The following GAS7 variants were observed in gnomAD, a reference collection of about 807,000 sequenced individuals.
GAS7 encodes growth arrest specific 7.
In GAS7, 28 loss-of-function variants were observed where a neutral mutation model predicts 71.1. That is an observed-to-expected ratio of 0.39 (90% CI 0.29 to 0.54). The LOEUF (loss-of-function observed/expected upper bound fraction) is 0.54. GAS7 is among the 20% of genes least tolerant of loss of function. The pLI, the probability that GAS7 is intolerant of heterozygous loss-of-function variation, is 0.62. For synonymous variants in GAS7, 258 were observed against 245.8 expected, an observed-to-expected ratio of 1.05 and a Z score of -0.46; for missense variants, 436 against 627.8, an observed-to-expected ratio of 0.69 and a Z score of 3.27.
At chr17:10,194,912 G>C (rs2074530363) in intron 1 of GAS7, among the ~76,000 whole-genome samples, 1 of 147,466 alleles carries the variant, frequency 6.8e-6, no homozygotes, top group South Asian at 2.2e-4. Flanking sequence ...CCTCGTCATA[G>C]CAGAAGAAAC....
At chr17:10,109,966 A>G (rs1177719077) in intron 1 of GAS7, among the ~76,000 whole-genome samples, 1 of 151,538 alleles carries the variant, frequency 6.6e-6, no homozygotes, top group African/African-American at 2.4e-5. Flanking sequence ...AGGCAGGAGA[A>G]TCACTTGAAC....
chr17:9,944,250 T>A (rs1356389656), intron 6 of GAS7, among the ~76,000 whole-genome samples: 1 of 152,228 alleles, frequency 6.6e-6, no homozygotes, highest in Non-Finnish European at 1.5e-5. Context: ...CAGGCATGTC[T>A]AAAAGTGTCC....
intron 1 of GAS7, among the ~76,000 whole-genome samples, chr17:10,120,619 G>C (rs1373853652): frequency 1.3e-5 from 2 of 152,200 alleles, no homozygotes; most frequent in Admixed American, 1.3e-4. Flanking sequence ...TGCTGAGGCA[G>C]TAGAATCGCT....
intron 5 of GAS7, among the ~76,000 whole-genome samples, chr17:9,947,276 T>TACAGTTGCATGGGGGCAGTGACATCCAC (rs2068822623): frequency 6.6e-6 from 1 of 152,156 alleles, no homozygotes; most frequent in Admixed American, 6.5e-5. Flanking sequence ...ATCATACAGA[T>TACAGTTGCATGGGGGCAGTGACATCCAC]ACAGTTGCAT....
intron 1 of GAS7, among the ~76,000 whole-genome samples, chr17:10,099,903 GGGACAGT>G (rs1260840430): frequency 6.6e-6 from 1 of 152,180 alleles, no homozygotes; most frequent in African/African-American, 2.4e-5. Flanking sequence ...GCATATAACA[GGGACAGT>G]GGACAGTGGA....
chr17:10,008,218 T>C (rs934079944), intron 2 of GAS7, among the ~76,000 whole-genome samples: 8 of 152,138 alleles, frequency 5.3e-5, no homozygotes, highest in African/African-American at 1.9e-4. Context: ...TGTGTGGACG[T>C]GTGTTTCTAA....
At position 10,103,987 on chromosome 17, in the gene GAS7, T is replaced by G. The variant is rs904331795; in HGVS notation, c.184-84090A>C. Among the ~76,000 whole-genome samples, 1 of 152,186 alleles carries G rather than the reference T, an allele frequency of 6.6e-6. No individual in the cohort carries two copies. Among genetic ancestry groups the G allele is most frequent in the Admixed American group, 6.5e-5 (1 of 15,276 alleles). On this transcript the variant is annotated intron_variant, in intron 1 of 13. Transcript: ENST00000432992. This position sits in a 1 kb window ranked among gnomAD's most constrained non-coding sequence, Gnocchi z 5.5. ...CTCCTCCTACCAAAGGCAACTTACC[T>G]GCTTTCTACCGATCAGCACATAATA...
rs1360697061 is a variant in GAS7 at position 10,005,159 on chromosome 17, G to GTA, written c.304+14617_304+14618insTA. The stretch of plus-strand genomic sequence containing the variant: ...TGTGCGCGCACGCATGCATGCATGT[G>GTA]TGTGCGCACGCATGCATGTATGTGT... On this transcript the variant is annotated intron_variant, in intron 2 of 13. Transcript: ENST00000432992. 1.4e-3 allele frequency among the ~76,000 whole-genome samples: 107 copies of GTA among 74,682 alleles called. 1 individual carries two copies. Among genetic ancestry groups the GTA allele is most frequent in the African/African-American group, 2.9e-3 (102 of 35,346 alleles). The allele number at this position is 74,682 out of a possible 152,430, so 49.0% of individuals were successfully genotyped here. A position where few individuals can be genotyped will look rare whatever the true frequency, so the allele number is the denominator to read the frequency against.
rs1277610592 is a variant in GAS7, at chr17:9,974,826, A to C, written c.386-5064T>G. 6.6e-6 allele frequency among the ~76,000 whole-genome samples: 1 copy of C among 152,156 alleles called. No individual in the cohort carries two copies. The highest frequency in any genetic ancestry group is 1.9e-4 in the East Asian group (1 of 5,154). On this transcript the variant is annotated intron_variant, in intron 3 of 13. Transcript: ENST00000432992. The surrounding 1 kb of genome is among the most constrained non-coding windows in gnomAD (Gnocchi z 4.0). ...GGCCAAGCAACAAAGAAGCGCCAGCAGCTCCGCCACCCAGGGCTCACCCCC... is the reference window on the plus strand; with the variant it reads ...GGCCAAGCAACAAAGAAGCGCCAGCCGCTCCGCCACCCAGGGCTCACCCCC...
intron 2 of GAS7, among the ~76,000 whole-genome samples, chr17:10,003,232 G>T (rs1017162921): frequency 1.3e-5 from 2 of 152,176 alleles, no homozygotes; most frequent in African/African-American, 2.4e-5. Flanking sequence ...GAGCCTGGGG[G>T]TTCCGCAGCA....
chr17:10,082,331 A>G (rs183743881), intron 1 of GAS7, among the ~76,000 whole-genome samples: 1 of 152,340 alleles, frequency 6.6e-6, no homozygotes, highest in African/African-American at 2.4e-5. Context: ...ATGTCAAATA[A>G]TGTGTTATTT....
intron 1 of GAS7, among the ~76,000 whole-genome samples, chr17:10,072,729 GAC>G (rs1449716828): frequency 6.6e-6 from 1 of 152,146 alleles, no homozygotes; most frequent in East Asian, 1.9e-4. Context: ...GAACAGACCA[GAC>G]GGCTTGCCAG....
intron 1 of GAS7, among the ~76,000 whole-genome samples, chr17:10,095,395 G>C (rs1198164216): frequency 1.3e-5 from 2 of 152,084 alleles, no homozygotes; most frequent in African/African-American, 2.4e-5. Context: ...CTGGGCCCTC[G>C]AACTCCTGGG....
Position 10,019,762 on chromosome 17 carries a change from C to A in GAS7, c.304+15G>T. 2 of 1,609,338 alleles carry A rather than the reference C, an allele frequency of 1.2e-6. No individual in the cohort carries two copies. Among genetic ancestry groups the A allele is most frequent in the Non-Finnish European group, 1.7e-6 (2 of 1,177,108 alleles). On this transcript the variant is annotated intron_variant, in intron 2 of 13. Transcript: ENST00000432992. The stretch of plus-strand genomic sequence containing the variant: ...CAGGGGGTTGGTGCAGGATTCTCCC[C>A]CGAGCGGGACTCACCATTGGTGGTC...
At chr17:9,993,574 T>A (rs573389873) in intron 2 of GAS7, among the ~76,000 whole-genome samples, 97 of 152,128 alleles carry the variant, frequency 6.4e-4, no homozygotes, top group African/African-American at 2.2e-3. Flanking sequence ...GCCAATATCA[T>A]GCTGAATGGG....
intron 1 of GAS7, among the ~76,000 whole-genome samples, chr17:10,136,097 G>A (rs1396820755): frequency 3.9e-5 from 6 of 152,150 alleles, no homozygotes; most frequent in South Asian, 4.1e-4. Context: ...TGTTGTCTCC[G>A]TCTTCTATTA....
chr17:10,131,515 G>A lies in GAS7; in HGVS notation c.183+66693C>T, dbSNP rs149071336. ...CACATGCCTGTAATCCCAGCTACTT[G>A]GGAGGCTGAGGCACAAGAATCGCTT... On this transcript the variant is annotated intron_variant, in intron 1 of 13. Transcript: ENST00000432992. Among the ~76,000 whole-genome samples, 1,481 of 152,318 alleles carry A rather than the reference G, an allele frequency of 9.7e-3. 30 individuals are homozygous for A. Among genetic ancestry groups the A allele is most frequent in the African/African-American group, 0.035 (1,434 of 41,560 alleles).
intron 7 of GAS7, among the ~76,000 whole-genome samples, chr17:9,940,769 G>A (rs1211337152): frequency 6.6e-6 from 1 of 152,220 alleles, no homozygotes; most frequent in African/African-American, 2.4e-5. Flanking sequence ...TTTCCCTGGA[G>A]AGGAAAGTTG....
At chr17:9,920,883 C>A (rs1427914847) in intron 11 of GAS7, among the ~76,000 whole-genome samples, 2 of 152,196 alleles carry the variant, frequency 1.3e-5, no homozygotes, top group East Asian at 1.9e-4. Flanking sequence ...GTCAAAGTGA[C>A]TCCTATAGTA....
Sources: gnomAD v4.1 joint callset for allele counts (sites outside exome capture counted in the v4.1 genomes callset) on GRCh38, gnomAD v4.1.1 for gene constraint, Gnocchi (gnomAD v3.1) non-coding constraint, MANE v1.5 for transcripts, NCBI Gene and HGNC (gene_info 2026-07-23, HGNC 2026-07-21) for gene names.